SPMIP6: variants seen among roughly 807,000 people sequenced by gnomAD.
SPMIP6 encodes the protein sperm microtubule inner protein 6, also known as ciliated bronchial epithelial protein 1.
the SPMIP6 span, chr9:34,397,483 C>T: frequency 6.2e-7 from 1 of 1,614,048 alleles, no homozygotes; most frequent in Non-Finnish European, 8.5e-7. Context: ...CCCCTCCCCA[C>T]CAATCTCCCA....
the SPMIP6 span, among the ~76,000 whole-genome samples, chr9:34,392,371 C>G: frequency 6.6e-6 from 1 of 151,734 alleles, no homozygotes; most frequent in Non-Finnish European, 1.5e-5. This position sits in a 1 kb window ranked among gnomAD's most constrained non-coding sequence, Gnocchi z 4.6. Flanking sequence ...CAGGCCAATA[C>G]AAGTTTGTAA....
the SPMIP6 span, among the ~76,000 whole-genome samples, chr9:34,394,575 T>C: frequency 5.9e-5 from 9 of 152,250 alleles, no homozygotes; most frequent in South Asian, 1.9e-3. Flanking sequence ...TTATCTCTTA[T>C]TGTGAGCTCA....
the SPMIP6 span, among the ~76,000 whole-genome samples, chr9:34,384,211 A>C: frequency 1.3e-5 from 2 of 152,222 alleles, no homozygotes; most frequent in African/African-American, 4.8e-5. Flanking sequence ...AAGCATATGA[A>C]GAAGAGTGGA....
At chr9:34,395,087 C>T in the SPMIP6 span, among the ~76,000 whole-genome samples, 2 of 151,902 alleles carry the variant, frequency 1.3e-5, no homozygotes, top group Admixed American at 6.6e-5. Context: ...CTCAGCCTCC[C>T]GAGTAGCTGG....
At chr9:34,380,030 G>A in the SPMIP6 span, among the ~76,000 whole-genome samples, 1 of 152,234 alleles carries the variant, frequency 6.6e-6, no homozygotes, top group Non-Finnish European at 1.5e-5. Flanking sequence ...CCACTGGACA[G>A]CAATTTCTCC....
chr9:34,386,828 TCC>T, the SPMIP6 span, among the ~76,000 whole-genome samples: 20 of 152,138 alleles, frequency 1.3e-4, no homozygotes, highest in African/African-American at 3.6e-4. Context: ...GATCAGGGCC[TCC>T]CTTCGGGGCC....
chr9:34,397,711 A>G, the SPMIP6 span: 1 of 1,462,194 alleles, frequency 6.8e-7, no homozygotes, highest in East Asian at 2.3e-5. Context: ...CCCTTCCCCT[A>G]GACAGGCCAC....
At chr9:34,391,122 G>A in the SPMIP6 span, among the ~76,000 whole-genome samples, 2 of 152,104 alleles carry the variant, frequency 1.3e-5, no homozygotes, top group Non-Finnish European at 2.9e-5. Flanking sequence ...TTTTTAAATC[G>A]TTATAGGAGC....
At chr9:34,380,828 G>T in the SPMIP6 span, 1 of 1,521,908 alleles carries the variant, frequency 6.6e-7, no homozygotes, top group South Asian at 1.2e-5. Flanking sequence ...CGGGCTGGAA[G>T]GGGGCGGGGT....
the SPMIP6 span, among the ~76,000 whole-genome samples, chr9:34,380,168 G>T: frequency 6.6e-6 from 1 of 152,156 alleles, no homozygotes; most frequent in South Asian, 2.1e-4. Flanking sequence ...CTGGAGAGGG[G>T]CGGGGGATCA....
chr9:34,392,616 A>G, the SPMIP6 span, among the ~76,000 whole-genome samples: 1 of 152,156 alleles, frequency 6.6e-6, no homozygotes, highest in Non-Finnish European at 1.5e-5. This position sits in a 1 kb window ranked among gnomAD's most constrained non-coding sequence, Gnocchi z 4.6. Context: ...ATGAGACTTT[A>G]CACAATTGTG....
At chr9:34,388,307 A>ATTTTTTTTTTT in the SPMIP6 span, among the ~76,000 whole-genome samples, 1 of 133,792 alleles carries the variant, frequency 7.5e-6, no homozygotes, top group African/African-American at 2.8e-5. Flanking sequence ...CTCCCAGCTA[A>ATTTTTTTTTTT]TTTTTTTTTT....
At chr9:34,387,032 T>C in the SPMIP6 span, among the ~76,000 whole-genome samples, 1 of 43,274 alleles carries the variant, frequency 2.3e-5, no homozygotes, top group African/African-American at 9.4e-5. Flanking sequence ...TCCTTATGAT[T>C]TTTTTTTTTT....
the SPMIP6 span, chr9:34,385,902 TC>T: frequency 1.1e-6 from 1 of 912,418 alleles, no homozygotes; most frequent in Non-Finnish European, 1.7e-6. Context: ...CCAACCCCCC[TC>T]CCCATGTCAG....
the SPMIP6 span, among the ~76,000 whole-genome samples, chr9:34,396,354 CT>C: frequency 7.9e-5 from 12 of 151,980 alleles, no homozygotes; most frequent in Admixed American, 3.9e-4. Context: ...CAACGAATTC[CT>C]TTTTTCATTG....
At chr9:34,389,843 T>C in the SPMIP6 span, 1 of 152,224 alleles carries the variant, frequency 6.6e-6, no homozygotes, top group African/African-American at 2.4e-5. Flanking sequence ...ATGTATATTT[T>C]AAAAATTATG....
the SPMIP6 span, chr9:34,385,808 G>T: frequency 1.9e-6 from 3 of 1,604,718 alleles, no homozygotes; most frequent in Middle Eastern, 2.0e-4. Context: ...GAGAGAAGTG[G>T]TTAGGGGCAC....
chr9:34,392,441 CCG>C, the SPMIP6 span, among the ~76,000 whole-genome samples: 4 of 79,242 alleles, frequency 5.0e-5, no homozygotes, highest in African/African-American at 1.9e-4. This position sits in a 1 kb window ranked among gnomAD's most constrained non-coding sequence, Gnocchi z 4.6. Flanking sequence ...CATCTAAAAA[CCG>C]TGTGTGTGTG....
the SPMIP6 span, among the ~76,000 whole-genome samples, chr9:34,396,417 C>G: frequency 6.6e-6 from 1 of 152,144 alleles, no homozygotes; most frequent in African/African-American, 2.4e-5. Flanking sequence ...CTGTTCACCC[C>G]TCGCTGGCCT....
Sources: allele counts gnomAD v4.1 joint callset (sites outside exome capture counted in the v4.1 genomes callset), GRCh38; gene constraint gnomAD v4.1.1; non-coding constraint Gnocchi (gnomAD v3.1); transcripts MANE v1.5; gene names NCBI Gene and HGNC (gene_info 2026-07-23, HGNC 2026-07-21).